BPI: variants seen among roughly 807,000 people sequenced by gnomAD.
BPI encodes the protein bactericidal permeability increasing protein.
Under a neutral mutation model 57.6 loss-of-function variants are expected in BPI, and 48 were observed. The ratio of observed to expected loss-of-function variants is 0.83; its 90% CI spans 0.66 to 1.06. The LOEUF (loss-of-function observed/expected upper bound fraction) is 1.06, where lower values mean the gene tolerates loss of function less well. Among genes scored for constraint, BPI ranks in the 50% least tolerant of loss-of-function variants. The pLI is 0.00. For synonymous variants in BPI, 237 were observed against 238.2 expected, an observed-to-expected ratio of 0.99 and a Z score of 0.05; for missense variants, 651 against 609.7, an observed-to-expected ratio of 1.07 and a Z score of -0.71.
chr20:38,312,023 T>C (rs2076624561), intron 5 of BPI, 86 bp downstream of exon 5: 2 of 1,371,486 alleles, frequency 1.5e-6, no homozygotes, highest in African/African-American at 1.4e-5. Flanking sequence ...GACACTCTGC[T>C]GTCACTCCAG....
Position 38,305,839 on chromosome 20 carries a change from C to T in BPI, c.130+1486C>T, listed in dbSNP as rs143743649. On this transcript the variant is annotated intron_variant, in intron 1 of 14. Coordinates refer to ENST00000642449, the MANE Select transcript of BPI (RefSeq NM_001725.3). ...ACAGTGCTTGGCACAGAGTAAAGCTCGATACATTTCATTGATATTATTATT... is the reference window on the plus strand; with the variant it reads ...ACAGTGCTTGGCACAGAGTAAAGCTTGATACATTTCATTGATATTATTATT... 9.5e-3 allele frequency among the ~76,000 whole-genome samples: 1,449 copies of T among 152,140 alleles called. 17 individuals are homozygous for T. Among genetic ancestry groups the T allele is most frequent in the African/African-American group, 0.032 (1,326 of 41,498 alleles).
At chr20:38,314,373 A>T (rs1365753642) in intron 5 of BPI, among the ~76,000 whole-genome samples, 1 of 134,694 alleles carries the variant, frequency 7.4e-6, no homozygotes, top group Admixed American at 7.3e-5. Flanking sequence ...GATGATGATG[A>T]TGGTGGTGAT....
chr20:38,322,355 A>G (rs1194865807), intron 7 of BPI, among the ~76,000 whole-genome samples: 1 of 152,246 alleles, frequency 6.6e-6, no homozygotes, highest in Non-Finnish European at 1.5e-5. Flanking sequence ...AAAAGATTAA[A>G]ACAATAAGTA....
chr20:38,330,132 A>C (rs1288112319), intron 11 of BPI, among the ~76,000 whole-genome samples: 2 of 152,116 alleles, frequency 1.3e-5, no homozygotes, highest in Non-Finnish European at 2.9e-5. Flanking sequence ...TGGGAGGCTG[A>C]GGTGGGAGGA....
intron 5 of BPI, among the ~76,000 whole-genome samples, chr20:38,313,585 A>G (rs2076632456): frequency 6.6e-6 from 1 of 152,164 alleles, no homozygotes; most frequent in East Asian, 1.9e-4. Context: ...GAACAATTAC[A>G]ATGATTATTT....
At chr20:38,308,198 A>T (rs1484607137) in intron 2 of BPI, among the ~76,000 whole-genome samples, 1 of 152,044 alleles carries the variant, frequency 6.6e-6, no homozygotes, top group East Asian at 1.9e-4. Context: ...GAGCCCTAAG[A>T]CTCACTCTGA....
rs76797691 is a variant in BPI, at chr20:38,337,022, G to A, written c.1414-124G>A. ...GCGAAACACTGAGTGACCCCCACTG[G>A]CCCTGCCTTTCTCCTTCCTAAGAGG... On this transcript the variant is annotated intron_variant, in intron 14 of 14. Transcript: ENST00000642449. 4.7e-5 allele frequency: 42 copies of A among 897,400 alleles called. No homozygotes were observed. In the East Asian group the frequency reaches 1.1e-3, roughly 24 times the overall value. The allele number at this position is 897,400 out of a possible 1,614,324, so 55.6% of individuals were successfully genotyped here.
chr20:38,322,188 T>C (rs1220867692), intron 7 of BPI, among the ~76,000 whole-genome samples: 1 of 152,178 alleles, frequency 6.6e-6, no homozygotes, highest in Non-Finnish European at 1.5e-5. Context: ...GCTTTCCATT[T>C]TTTTTTCCAC....
intron 3 of BPI, 133 bp downstream of exon 3, chr20:38,309,191 A>G: frequency 7.7e-7 from 1 of 1,293,796 alleles, no homozygotes; most frequent in Non-Finnish European, 1.1e-6. Context: ...TTCCTCAGGA[A>G]ATTCTTCACA....
chr20:38,329,069 G>T (rs2076729102), intron 11 of BPI, among the ~76,000 whole-genome samples: 1 of 151,814 alleles, frequency 6.6e-6, no homozygotes, highest in African/African-American at 2.4e-5. Flanking sequence ...AATACAGAAA[G>T]GGAGTTTCAG....
intron 6 of BPI, among the ~76,000 whole-genome samples, chr20:38,318,825 G>A (rs537737041): frequency 6.6e-6 from 1 of 152,248 alleles, no homozygotes; most frequent in Non-Finnish European, 1.5e-5. Flanking sequence ...TTAAAATGGG[G>A]ACAGTAATCT....
intron 1 of BPI, 117 bp from the exon 2 acceptor site, chr20:38,307,450 C>T (rs2076602159): frequency 4.4e-6 from 3 of 689,268 alleles, no homozygotes; most frequent in Admixed American, 3.1e-5. Flanking sequence ...GTTTTTGACC[C>T]TTCCAGTGCC....
intron 13 of BPI, 94 bp downstream of exon 13, chr20:38,334,587 G>C: frequency 3.1e-6 from 4 of 1,274,088 alleles, no homozygotes; most frequent in Non-Finnish European, 3.4e-6. Flanking sequence ...CCCCAGGTAT[G>C]AGGGCTGGGC....
chr20:38,307,249 T>A (rs1183363334), intron 1 of BPI, among the ~76,000 whole-genome samples: 2 of 152,094 alleles, frequency 1.3e-5, no homozygotes, highest in African/African-American at 4.8e-5. Flanking sequence ...GTGAAAATTA[T>A]ATGAAATTCT....
intron 10 of BPI, 75 bp downstream of exon 10, chr20:38,326,507 C>T (rs2122549122): frequency 4.2e-6 from 6 of 1,445,594 alleles, no homozygotes; most frequent in East Asian, 2.5e-5. Context: ...GTCAGGAGAC[C>T]ATGTGAATCC....
At chr20:38,314,888 C>A (rs924563292) in intron 5 of BPI, among the ~76,000 whole-genome samples, 1 of 143,638 alleles carries the variant, frequency 7.0e-6, no homozygotes, top group African/African-American at 2.6e-5. Flanking sequence ...GATGGTGAGA[C>A]TGATGATGGT....
chr20:38,333,592 T>C (rs1483809470), intron 12 of BPI, among the ~76,000 whole-genome samples: 1 of 151,458 alleles, frequency 6.6e-6, no homozygotes, highest in Non-Finnish European at 1.5e-5. Flanking sequence ...AAAAATGGAA[T>C]GATGTGATTT....
At chr20:38,323,403 A>T (rs2076696443) in intron 7 of BPI, among the ~76,000 whole-genome samples, 1 of 152,250 alleles carries the variant, frequency 6.6e-6, no homozygotes, top group Non-Finnish European at 1.5e-5. Flanking sequence ...TAAAGCACAC[A>T]CGACTCTCAA....
intron 5 of BPI, among the ~76,000 whole-genome samples, chr20:38,316,746 A>G (rs1324534939): frequency 1.3e-5 from 2 of 152,112 alleles, no homozygotes; most frequent in African/African-American, 2.4e-5. Context: ...GTATTTGTCT[A>G]CCACCTCCTA....
Sources: gnomAD v4.1 joint callset for allele counts (sites outside exome capture counted in the v4.1 genomes callset) on GRCh38, gnomAD v4.1.1 for gene constraint, MANE v1.5 for transcripts, NCBI Gene and HGNC (gene_info 2026-07-23, HGNC 2026-07-21) for gene names.